The following EDN1 variants were observed in gnomAD, a reference collection of about 807,000 sequenced individuals.
EDN1 encodes endothelin 1.
Under a neutral mutation model 21.7 loss-of-function variants are expected in EDN1, and 11 were observed. That is an observed-to-expected ratio of 0.51 (90% confidence interval 0.32 to 0.84). The LOEUF is 0.84. EDN1 is among the 40% of genes least tolerant of loss of function. The pLI is 0.03. For missense variants in EDN1, 244 were observed against 262.3 expected (o/e 0.93, Z 0.48); for synonymous variants, 85 against 90.6 (o/e 0.94, Z 0.35).
At chr6:12,276,423 G>T in the EDN1 span, among the ~76,000 whole-genome samples, 1 of 152,122 alleles carries the variant, frequency 6.6e-6, no homozygotes, top group Non-Finnish European at 1.5e-5. Context: ...CTGTGCAAAA[G>T]CTGGGAAAAC....
chr6:12,291,215 C>A (rs1226770055), intron 1 of EDN1, among the ~76,000 whole-genome samples: 3 of 24,802 alleles, frequency 1.2e-4, no homozygotes, highest in African/African-American at 5.1e-4. Context: ...CTAACTACCG[C>A]CTCCCCCCCC....
At position 12,296,291 on chromosome 6, in the gene EDN1, A is replaced by C. The variant is rs1158188236; in HGVS notation, c.*224A>C. The C allele has an allele frequency of 3.9e-6, 2 of 514,934 alleles. No homozygotes were observed. Among genetic ancestry groups the C allele is most frequent in the African/African-American group, 1.9e-5 (1 of 51,890 alleles). 31.9% of individuals were successfully genotyped at this position (514,934 alleles called of 1,614,324 possible). ...GGTAACTGCTTTGGTCTCTTCTTTC[A>C]TCTGGGGATGACAATGGACCTCTCA... On this transcript the variant is annotated 3_prime_UTR_variant, in exon 5 of 5. Transcript: ENST00000379375.
At chr6:12,278,327 A>G in the EDN1 span, among the ~76,000 whole-genome samples, 2 of 152,100 alleles carry the variant, frequency 1.3e-5, no homozygotes, top group Non-Finnish European at 2.9e-5. Context: ...GTTCTCAGAG[A>G]TCTCTGCCTT....
chr6:12,253,476 T>C, the EDN1 span, among the ~76,000 whole-genome samples: 1 of 152,060 alleles, frequency 6.6e-6, no homozygotes, highest in Non-Finnish European at 1.5e-5. Flanking sequence ...ACCTCAAGTC[T>C]TAATAGCAAA....
upstream of EDN1, among the ~76,000 whole-genome samples, chr6:12,289,658 A>T (rs575204005): frequency 6.6e-6 from 1 of 152,250 alleles, no homozygotes; most frequent in East Asian, 1.9e-4. Flanking sequence ...ACACAAAAGA[A>T]CTTATCGGGG....
At chr6:12,241,185 A>C in the EDN1 span, among the ~76,000 whole-genome samples, 1 of 89,526 alleles carries the variant, frequency 1.1e-5, no homozygotes, top group African/African-American at 3.1e-5. Context: ...TTTTTTATTG[A>C]GATGGAGTCT....
At chr6:12,294,154 A>G (rs1762763298) in intron 3 of EDN1, 58 bp downstream of exon 3, 3 of 1,613,566 alleles carry the variant, frequency 1.9e-6, no homozygotes, top group Admixed American at 1.7e-5. Flanking sequence ...ACTCCTTCCT[A>G]TCATGGTACT....
chr6:12,233,470 G>A, the EDN1 span, among the ~76,000 whole-genome samples: 581 of 152,266 alleles, frequency 3.8e-3, 1 homozygote, highest in Non-Finnish European at 5.6e-3. Context: ...TCCAGGTAGC[G>A]ACTGCACCAG....
chr6:12,238,518 G>C, the EDN1 span, among the ~76,000 whole-genome samples: 1 of 152,224 alleles, frequency 6.6e-6, no homozygotes, highest in South Asian at 2.1e-4. Context: ...GCATTTGTCA[G>C]AGAACCAGCT....
the EDN1 span, among the ~76,000 whole-genome samples, chr6:12,234,810 T>G: frequency 6.6e-5 from 10 of 152,200 alleles, no homozygotes; most frequent in African/African-American, 9.7e-5. Context: ...TTGGTGTCCA[T>G]GGACCTACTG....
the EDN1 span, among the ~76,000 whole-genome samples, chr6:12,273,354 G>A: frequency 6.6e-6 from 1 of 152,268 alleles, no homozygotes; most frequent in Admixed American, 6.5e-5. Context: ...CTGAAATGTG[G>A]TCTTTTCTCA....
chr6:12,258,108 T>C, the EDN1 span, among the ~76,000 whole-genome samples: 4 of 151,764 alleles, frequency 2.6e-5, no homozygotes, highest in Non-Finnish European at 5.9e-5. Flanking sequence ...TGTATACTAA[T>C]TAGTATAATT....
At chr6:12,270,899 A>C in the EDN1 span, among the ~76,000 whole-genome samples, 1 of 152,140 alleles carries the variant, frequency 6.6e-6, no homozygotes, top group South Asian at 2.1e-4. Context: ...CATTGTATTG[A>C]GGTCTCTCCC....
chr6:12,250,470 T>C, the EDN1 span, among the ~76,000 whole-genome samples: 2 of 152,172 alleles, frequency 1.3e-5, no homozygotes, highest in Non-Finnish European at 2.9e-5. Context: ...AAATTTCTTG[T>C]CTTCTTATCA....
the EDN1 span, among the ~76,000 whole-genome samples, chr6:12,245,672 G>A: frequency 6.6e-6 from 1 of 152,166 alleles, no homozygotes; most frequent in Non-Finnish European, 1.5e-5. Context: ...TGATGTTCTG[G>A]GAGCTCTCAT....
rs1339886727 is a variant in EDN1, at chr6:12,296,353, T to A, written c.*286T>A. 2 of 381,010 alleles carry A rather than the reference T, an allele frequency of 5.2e-6. No individual in the cohort carries two copies. The highest frequency in any genetic ancestry group is 5.0e-6 in the Non-Finnish European group (1 of 198,454). The allele number at this position is 381,010 out of a possible 1,614,324, so 23.6% of individuals were successfully genotyped here. On this transcript the variant is annotated 3_prime_UTR_variant, in exon 5 of 5. Transcript: ENST00000379375. Reference sequence around the variant, plus strand: ...CAGTCACATTCGAATTCGGGTGGCATCCTCCGGAGAGAGAGAGAGGAAGGA... The same window carrying A: ...CAGTCACATTCGAATTCGGGTGGCAACCTCCGGAGAGAGAGAGAGGAAGGA...
chr6:12,274,944 T>TTCCTG, the EDN1 span, among the ~76,000 whole-genome samples: 1 of 97,716 alleles, frequency 1.0e-5, no homozygotes, highest in South Asian at 4.0e-4. Flanking sequence ...TCCTTCTCCT[T>TTCCTG]CCTTCCTTCC....
At chr6:12,252,677 G>T in the EDN1 span, among the ~76,000 whole-genome samples, 2 of 152,162 alleles carry the variant, frequency 1.3e-5, no homozygotes, top group Non-Finnish European at 2.9e-5. Context: ...TTAAATTTGG[G>T]ATTGACAGAA....
chr6:12,284,592 AAGAAAGAAAG>A, the EDN1 span, among the ~76,000 whole-genome samples: 1 of 146,480 alleles, frequency 6.8e-6, no homozygotes, highest in Admixed American at 6.7e-5. Flanking sequence ...GCAGGAAAGA[AAGAAAGAAAG>A]AGAAAGAAAG....
Sources: gnomAD v4.1 joint callset for allele counts (sites outside exome capture counted in the v4.1 genomes callset) on GRCh38, gnomAD v4.1.1 for gene constraint, MANE v1.5 for transcripts, NCBI Gene and HGNC (gene_info 2026-07-23, HGNC 2026-07-21) for gene names.